TDRD5: variants seen among roughly 807,000 people sequenced by gnomAD.
TDRD5 encodes the protein tudor domain-containing protein 5.
A neutral mutation model predicts 120.6 loss-of-function variants in TDRD5; 41 were observed. The ratio of observed to expected loss-of-function variants is 0.34; its 90% CI spans 0.26 to 0.44. The LOEUF (loss-of-function observed/expected upper bound fraction) is 0.44, where lower values mean the gene tolerates loss of function less well. Ranked by LOEUF, TDRD5 falls within the 20% of genes least tolerant of loss-of-function variation. The pLI, the probability that TDRD5 is intolerant of heterozygous loss-of-function variation, is 1.00. For missense variants in TDRD5, 1,006 were observed against 1,221.2 expected (o/e 0.82, Z 2.63); for synonymous variants, 430 against 433.7 (o/e 0.99, Z 0.11).
At chr1:179,607,251 ATGAT>A (rs1397802508) in intron 4 of TDRD5, among the ~76,000 whole-genome samples, 2 of 152,116 alleles carry the variant, frequency 1.3e-5, no homozygotes, top group African/African-American at 2.4e-5. Flanking sequence ...ATATAGGAAA[ATGAT>A]TGACTTTTGT....
intron 11 of TDRD5, among the ~76,000 whole-genome samples, chr1:179,646,874 C>A (rs965266125): frequency 1.5e-4 from 23 of 151,574 alleles, no homozygotes; most frequent in African/African-American, 5.1e-4. Context: ...AATAAAATAC[C>A]TAGGAATCCA....
At chr1:179,665,757 T>C (rs1679526173) in intron 16 of TDRD5, among the ~76,000 whole-genome samples, 1 of 152,188 alleles carries the variant, frequency 6.6e-6, no homozygotes, top group Non-Finnish European at 1.5e-5. Context: ...TACTGTATCA[T>C]AATGAACTCC....
At chr1:179,658,847 A>G (rs1679138503) in intron 14 of TDRD5, among the ~76,000 whole-genome samples, 1 of 152,042 alleles carries the variant, frequency 6.6e-6, no homozygotes, top group Non-Finnish European at 1.5e-5. Flanking sequence ...TTAAGATGGA[A>G]GTTTACTTTA....
chr1:179,614,247 A>G (rs866423412), intron 4 of TDRD5, among the ~76,000 whole-genome samples: 29 of 152,116 alleles, frequency 1.9e-4, no homozygotes, highest in African/African-American at 6.5e-4. Context: ...TTTTCCTCTT[A>G]TGCATTGCGA....
chr1:179,635,942 C>A, intron 9 of TDRD5, 55 bp downstream of exon 9: 1 of 1,520,956 alleles, frequency 6.6e-7, no homozygotes, highest in Non-Finnish European at 8.9e-7. Context: ...ATCAACAGTT[C>A]TCAAACATTT....
chr1:179,650,284 C>A (rs780317196), intron 11 of TDRD5, among the ~76,000 whole-genome samples: 1 of 151,698 alleles, frequency 6.6e-6, no homozygotes, highest in Non-Finnish European at 1.5e-5. Flanking sequence ...ACCTGTAATC[C>A]CAGCTACTCA....
chr1:179,655,354 A>G (rs1425555562), intron 14 of TDRD5, among the ~76,000 whole-genome samples: 1 of 152,218 alleles, frequency 6.6e-6, no homozygotes, highest in Non-Finnish European at 1.5e-5. Context: ...TACTGTGACT[A>G]TGTAAATGCT....
chr1:179,595,142 A>C (rs770661214), intron 3 of TDRD5, among the ~76,000 whole-genome samples: 8 of 152,112 alleles, frequency 5.3e-5, no homozygotes, highest in Admixed American at 2.0e-4. Flanking sequence ...CATGTCATGC[A>C]ACAGAATACA....
intron 12 of TDRD5, 122 bp from the exon 13 acceptor site, chr1:179,651,913 GAAAT>G (rs1203294515): frequency 1.7e-5 from 19 of 1,123,320 alleles, no homozygotes; most frequent in Non-Finnish European, 2.1e-5. Context: ...ACTCCATCTC[GAAAT>G]AAATAAATAA....
At chr1:179,671,384 G>T (rs1166680899) in intron 17 of TDRD5, among the ~76,000 whole-genome samples, 3 of 152,056 alleles carry the variant, frequency 2.0e-5, no homozygotes, top group Non-Finnish European at 4.4e-5. Context: ...CTAAGATTTT[G>T]ATCTGATTTT....
chr1:179,617,545 A>C (rs1472397710), intron 4 of TDRD5, among the ~76,000 whole-genome samples: 1 of 152,174 alleles, frequency 6.6e-6, no homozygotes, highest in East Asian at 1.9e-4. Context: ...GTTTAGAAGG[A>C]AAAAGTATTA....
At chr1:179,639,272 G>A (rs947542039) in intron 9 of TDRD5, among the ~76,000 whole-genome samples, 1 of 152,128 alleles carries the variant, frequency 6.6e-6, no homozygotes, top group African/African-American at 2.4e-5. Flanking sequence ...TTGTCACAGA[G>A]CTGGTAAATG....
At chr1:179,675,943 G>A (rs542851054) in intron 17 of TDRD5, among the ~76,000 whole-genome samples, 4 of 152,236 alleles carry the variant, frequency 2.6e-5, no homozygotes, top group East Asian at 3.9e-4. Context: ...GCTGTCAGTC[G>A]AGTATTAAAG....
intron 11 of TDRD5, among the ~76,000 whole-genome samples, chr1:179,642,689 C>T (rs1486012133): frequency 6.6e-6 from 1 of 152,152 alleles, no homozygotes. Context: ...TTATCTTGTT[C>T]ACCACTGAAT....
intron 1 of TDRD5, chr1:179,592,401 T>A: frequency 7.5e-6 from 4 of 531,922 alleles, no homozygotes; most frequent in Middle Eastern, 5.3e-4. Flanking sequence ...TCTTGACACC[T>A]GTAGCTTAAT....
intron 8 of TDRD5, 78 bp from the exon 9 acceptor site, chr1:179,635,589 G>A: frequency 7.7e-7 from 1 of 1,300,354 alleles, no homozygotes; most frequent in Non-Finnish European, 1.1e-6. Flanking sequence ...GGTGATTCAT[G>A]AAATGTGCTT....
At chr1:179,685,162 T>A (rs184161009) in intron 17 of TDRD5, among the ~76,000 whole-genome samples, 133 of 152,290 alleles carry the variant, frequency 8.7e-4, no homozygotes, top group African/African-American at 3.1e-3. Flanking sequence ...TCTTCTAGGG[T>A]TTTTATGGTT....
At position 179,630,872 on chromosome 1, in the gene TDRD5, C is replaced by T; in HGVS notation, c.1078C>T (p.His360Tyr). The change falls in exon 7 of 18, where the codon CAC becomes TAC. Residue 360 changes from histidine to tyrosine, a missense_variant. Coordinates refer to ENST00000444136, the MANE Select transcript of TDRD5 (RefSeq NM_001199085.3). ...DILHVEFRKGHQDLLVFDADK... is the reference protein window; with the variant it reads ...DILHVEFRKGYQDLLVFDADK... ...TCTCCATGTTGAGTTCAGGAAAGGA[C>T]ACCAAGACTTACTAGTGTTTGATGC... 6.2e-7 allele frequency: 1 copy of T among 1,613,926 alleles called. No individual in the cohort carries two copies. Among genetic ancestry groups the T allele is most frequent in the Non-Finnish European group, 8.5e-7 (1 of 1,179,916 alleles).
chr1:179,658,908 T>C (rs1362623936), intron 14 of TDRD5, among the ~76,000 whole-genome samples: 1 of 152,224 alleles, frequency 6.6e-6, no homozygotes, highest in Non-Finnish European at 1.5e-5. Flanking sequence ...TATGAGTCTC[T>C]ACATATCACT....
Sources: gnomAD v4.1 joint callset for allele counts (sites outside exome capture counted in the v4.1 genomes callset) on GRCh38, gnomAD v4.1.1 for gene constraint, MANE v1.5 for transcripts, NCBI Gene and HGNC (gene_info 2026-07-23, HGNC 2026-07-21) for gene names.